Variants in C17orf67 observed in about 807,000 individuals in gnomAD.
C17orf67 encodes the protein uncharacterized protein C17orf67.
A neutral mutation model predicts 11.2 loss-of-function variants in C17orf67; 12 were observed. That is an observed-to-expected ratio of 1.07 (90% CI 0.68 to 1.73). The LOEUF (loss-of-function observed/expected upper bound fraction) is 1.73, where lower values mean the gene tolerates loss of function less well. Among genes scored for constraint, C17orf67 ranks in the 40% most tolerant of loss-of-function variants. The pLI is 0.00. For synonymous variants in C17orf67, 59 were observed against 46.9 expected (o/e 1.26, Z -1.05); for missense variants, 115 against 113.5 (o/e 1.01, Z -0.06).
At chr17:56,830,620 A>G (rs1424830325) in intron 2 of C17orf67, among the ~76,000 whole-genome samples, 2 of 151,966 alleles carry the variant, frequency 1.3e-5, no homozygotes, top group African/African-American at 4.8e-5. Flanking sequence ...ACGCCTGGCT[A>G]ATTTTTTTTT....
At chr17:56,822,175 G>A (rs1760080426) in intron 4 of C17orf67, among the ~76,000 whole-genome samples, 1 of 152,168 alleles carries the variant, frequency 6.6e-6, no homozygotes, top group African/African-American at 2.4e-5. Flanking sequence ...GACTAGGAGT[G>A]GTTTGTTTCA....
intron 4 of C17orf67, among the ~76,000 whole-genome samples, chr17:56,817,825 A>G (rs1418083111): frequency 6.7e-6 from 1 of 149,966 alleles, no homozygotes; most frequent in East Asian, 2.0e-4. Context: ...CTGTTTTCAC[A>G]TAATTTTCAA....
chr17:56,794,463 AG>A (rs1905170736), intron 7 of C17orf67, among the ~76,000 whole-genome samples: 1 of 151,982 alleles, frequency 6.6e-6, no homozygotes, highest in Non-Finnish European at 1.5e-5. Flanking sequence ...ATCTAGGCAC[AG>A]AGGTACAGAG....
intron 6 of C17orf67, among the ~76,000 whole-genome samples, chr17:56,811,392 C>G (rs1318381989): frequency 6.6e-6 from 1 of 152,204 alleles, no homozygotes; most frequent in Non-Finnish European, 1.5e-5. Context: ...CTGAGAACTC[C>G]TGGTCATCCT....
intron 1 of C17orf67, 118 bp from the exon 2 acceptor site, chr17:56,833,460 G>A (rs1349451110): frequency 2.0e-5 from 3 of 151,296 alleles, no homozygotes; most frequent in Non-Finnish European, 4.4e-5. Flanking sequence ...GCGCAGGGGA[G>A]GCCCGCCCGC....
At chr17:56,816,314 T>G (rs967248035) in intron 4 of C17orf67, among the ~76,000 whole-genome samples, 1 of 152,236 alleles carries the variant, frequency 6.6e-6, no homozygotes, top group Non-Finnish European at 1.5e-5. Context: ...AATTTTCAGC[T>G]GACTTTAGAG....
At chr17:56,804,805 C>A (rs953685192) in intron 6 of C17orf67, among the ~76,000 whole-genome samples, 3 of 152,192 alleles carry the variant, frequency 2.0e-5, no homozygotes, top group Non-Finnish European at 4.4e-5. Context: ...AGACATTCAT[C>A]TTTTTAAAGA....
intron 6 of C17orf67, among the ~76,000 whole-genome samples, chr17:56,800,340 C>T (rs955338864): frequency 2.0e-5 from 3 of 152,210 alleles, no homozygotes; most frequent in Non-Finnish European, 4.4e-5. Context: ...GCTGGGATTA[C>T]AGGCGTGAGC....
chr17:56,832,595 C>T (rs904003486), intron 2 of C17orf67, among the ~76,000 whole-genome samples: 4 of 152,286 alleles, frequency 2.6e-5, no homozygotes, highest in African/African-American at 9.6e-5. Context: ...AGCCATCTAA[C>T]AGGCACTGTC....
intron 6 of C17orf67, chr17:56,804,216 T>C (rs1905392254): frequency 6.6e-6 from 1 of 152,198 alleles, no homozygotes; most frequent in Non-Finnish European, 1.5e-5. Flanking sequence ...TTATTATGGC[T>C]CTGGAGTGGT....
intron 6 of C17orf67, among the ~76,000 whole-genome samples, chr17:56,807,001 C>T (rs1905467716): frequency 6.6e-6 from 1 of 152,172 alleles, no homozygotes; most frequent in South Asian, 2.1e-4. Flanking sequence ...GCTGTTAGAT[C>T]TGAAATGCTT....
chr17:56,817,239 C>T (rs1905782077), intron 4 of C17orf67, among the ~76,000 whole-genome samples: 1 of 152,152 alleles, frequency 6.6e-6, no homozygotes, highest in Non-Finnish European at 1.5e-5. Context: ...GAGAGATGAT[C>T]TGATGTTTCT....
intron 6 of C17orf67, among the ~76,000 whole-genome samples, chr17:56,804,466 C>T (rs145885876): frequency 1.3e-3 from 202 of 152,276 alleles, no homozygotes; most frequent in African/African-American, 4.6e-3. Context: ...CTGAAGGCTC[C>T]GTCCTAAAGA....
At position 56,812,450 on chromosome 17, in the gene C17orf67, T is replaced by C. The variant is rs540441349; in HGVS notation, c.156+2419A>G. Among the ~76,000 whole-genome samples, 300 of 152,348 alleles carry C rather than the reference T, an allele frequency of 2.0e-3. 1 individual carries two copies. Among genetic ancestry groups the C allele is most frequent in the Non-Finnish European group, 2.7e-3 (182 of 68,032 alleles). On this transcript the variant is annotated intron_variant, in intron 6 of 7. Coordinates refer to ENST00000397861, the MANE Select transcript of C17orf67 (RefSeq NM_001085430.4). ...ATAATCACCTATGGATGAGAACTACTGGTGTAGACTAGCCACCCAATAATT... is the reference window on the plus strand; with the variant it reads ...ATAATCACCTATGGATGAGAACTACCGGTGTAGACTAGCCACCCAATAATT...
rs146503399 is a variant in C17orf67 at position 56,816,833 on chromosome 17, T to G, written c.-200-823A>C. Among the ~76,000 whole-genome samples, 369 of 152,294 alleles carry G rather than the reference T, an allele frequency of 2.4e-3. 1 individual carries two copies. The highest frequency in any genetic ancestry group is 8.4e-3 in the African/African-American group (349 of 41,554). ...CACATGAAGAAAGTTTCTTGTTTTGTTTTGGTTTGGTTTGGCTTGGTTTGG... is the reference window on the plus strand; with the variant it reads ...CACATGAAGAAAGTTTCTTGTTTTGGTTTGGTTTGGTTTGGCTTGGTTTGG... On this transcript the variant is annotated intron_variant, in intron 4 of 7. Coordinates refer to ENST00000397861, the MANE Select transcript of C17orf67 (RefSeq NM_001085430.4).
intron 6 of C17orf67, among the ~76,000 whole-genome samples, chr17:56,806,102 G>A (rs1162257141): frequency 6.7e-6 from 1 of 149,880 alleles, no homozygotes; most frequent in East Asian, 2.0e-4. Flanking sequence ...AGCCTCCCGA[G>A]TAGCTGGGAC....
chr17:56,794,513 A>T (rs1905171999), intron 7 of C17orf67, among the ~76,000 whole-genome samples: 2 of 152,090 alleles, frequency 1.3e-5, no homozygotes, highest in South Asian at 4.2e-4. Flanking sequence ...GCTGGGCAGT[A>T]CCCTGCTGGT....
chr17:56,822,648 T>C lies in C17orf67; in HGVS notation c.-201+2091A>G, dbSNP rs75358112. On this transcript the variant is annotated intron_variant, in intron 4 of 7. Transcript: ENST00000397861. Reference sequence around the variant, plus strand: ...CTCTTTGCATATGCACTCTATTTTGTAAAAATGTTTTGAATGACTAAAGAT... The same window carrying C: ...CTCTTTGCATATGCACTCTATTTTGCAAAAATGTTTTGAATGACTAAAGAT... 2.0e-4 allele frequency among the ~76,000 whole-genome samples: 31 copies of C among 152,364 alleles called. No individual in the cohort carries two copies. The East Asian group carries it at 4.8e-3, about 24-fold the overall frequency.
chr17:56,817,835 ATAAC>A (rs1359329694), intron 4 of C17orf67, among the ~76,000 whole-genome samples: 1 of 145,636 alleles, frequency 6.9e-6, no homozygotes, highest in Non-Finnish European at 1.5e-5. Context: ...ATAATTTTCA[ATAAC>A]TAAGGAATTT....
Sources: gnomAD v4.1 joint callset for allele counts (sites outside exome capture counted in the v4.1 genomes callset) on GRCh38, gnomAD v4.1.1 for gene constraint, MANE v1.5 for transcripts, NCBI Gene and HGNC (gene_info 2026-07-23, HGNC 2026-07-21) for gene names.